The following SUMF1 variants were observed in gnomAD, a reference collection of about 807,000 sequenced individuals.
SUMF1 encodes formylglycine-generating enzyme.
Under a neutral mutation model 47.6 loss-of-function variants are expected in SUMF1, and 48 were observed. The observed-to-expected ratio is 1.01, with a 90% confidence interval of 0.80 to 1.28. The LOEUF is 1.28. SUMF1 is among the 50% of genes most tolerant of loss of function. The pLI, the probability that SUMF1 is intolerant of heterozygous loss-of-function variation, is 0.00. For synonymous variants in SUMF1, 230 were observed against 192.1 expected, an observed-to-expected ratio of 1.20 and a Z score of -1.63; for missense variants, 571 against 485.4, an observed-to-expected ratio of 1.18 and a Z score of -1.66.
intron 7 of SUMF1, among the ~76,000 whole-genome samples, chr3:4,376,803 A>C (rs572716853): frequency 3.7e-4 from 56 of 152,206 alleles, no homozygotes; most frequent in Non-Finnish European, 7.1e-4. Flanking sequence ...TTTGAAACAA[A>C]AATTTTTCTT....
intron 8 of SUMF1, among the ~76,000 whole-genome samples, chr3:4,103,200 G>C (rs1693076877): frequency 6.6e-6 from 1 of 151,186 alleles, no homozygotes; most frequent in Admixed American, 6.6e-5. Context: ...TGAGATTATA[G>C]GCATGAGCCA....
At chr3:4,112,797 T>C (rs1215908154) in intron 8 of SUMF1, among the ~76,000 whole-genome samples, 2 of 151,986 alleles carry the variant, frequency 1.3e-5, no homozygotes, top group African/African-American at 4.8e-5. Context: ...TCCAACAGAG[T>C]GAGAACAAGC....
chr3:4,128,421 G>A (rs1693708344), intron 8 of SUMF1, among the ~76,000 whole-genome samples: 1 of 152,146 alleles, frequency 6.6e-6, no homozygotes, highest in Non-Finnish European at 1.5e-5. Context: ...CCTATCCCCA[G>A]TAGTGGCAAC....
chr3:4,061,838 G>A (rs978378119), intron 9 of SUMF1, among the ~76,000 whole-genome samples: 1 of 152,108 alleles, frequency 6.6e-6, no homozygotes, highest in African/African-American at 2.4e-5. Context: ...AGGTTACAGT[G>A]CAGTGTGTAA....
chr3:4,131,546 C>A (rs954872650), intron 8 of SUMF1, among the ~76,000 whole-genome samples: 2 of 152,116 alleles, frequency 1.3e-5, no homozygotes, highest in Admixed American at 6.5e-5. Context: ...GAGCAGTGCA[C>A]CTGGTTGTGC....
chr3:4,356,635 G>A (rs1699625115), downstream of SUMF1, among the ~76,000 whole-genome samples: 1 of 151,434 alleles, frequency 6.6e-6, no homozygotes, highest in Admixed American at 6.6e-5. Flanking sequence ...GGCTGCAAAT[G>A]CAAACTGGCA....
At chr3:4,452,735 T>G in intron 2 of SUMF1, 141 bp downstream of exon 2, 5 of 1,063,640 alleles carry the variant, frequency 4.7e-6, no homozygotes, top group East Asian at 2.5e-5. Flanking sequence ...GAAATTAAGA[T>G]GAAATATATA....
chr3:4,387,795 T>C (rs1398418741), intron 7 of SUMF1, among the ~76,000 whole-genome samples: 3 of 152,104 alleles, frequency 2.0e-5, no homozygotes, highest in African/African-American at 7.2e-5. Context: ...TTCAGTGCAC[T>C]GTTTGATTCA....
At chr3:4,372,186 G>A (rs538596768) in intron 8 of SUMF1, among the ~76,000 whole-genome samples, 81 of 152,108 alleles carry the variant, frequency 5.3e-4, no homozygotes, top group African/African-American at 1.5e-3. Context: ...CTGTAATCCC[G>A]GCTACTCAGG....
chr3:4,096,481 G>T (rs1026191489), intron 8 of SUMF1, among the ~76,000 whole-genome samples: 8 of 152,076 alleles, frequency 5.3e-5, no homozygotes, highest in Admixed American at 3.9e-4. Context: ...GGCAGCTTTT[G>T]TAGGTCCCTG....
chr3:4,150,227 G>GTCTCAAAAAGTT (rs1559512875), intron 8 of SUMF1, among the ~76,000 whole-genome samples: 4 of 147,570 alleles, frequency 2.7e-5, no homozygotes, highest in African/African-American at 1.1e-4. Flanking sequence ...CCAAGTAGCT[G>GTCTCAAAAAGTT]GGACTGCAGG....
exon 9 of SUMF1, chr3:4,068,737 C>T (rs1695441313): frequency 2.5e-6 from 1 of 406,440 alleles, no homozygotes. Flanking sequence ...GATCATAGTA[C>T]TCTTGGGACT....
chr3:4,312,762 G>C, intron 8 of SUMF1: 6 of 924,250 alleles, frequency 6.5e-6, no homozygotes, highest in Non-Finnish European at 9.4e-6. Flanking sequence ...CAATATCTTA[G>C]TATGCTGTGT....
intron 3 of SUMF1, among the ~76,000 whole-genome samples, chr3:4,444,068 G>T (rs758691249): frequency 1.3e-5 from 2 of 151,944 alleles, no homozygotes; most frequent in Non-Finnish European, 1.5e-5. Flanking sequence ...AAAATCGTTG[G>T]GTATTCAGGC....
At chr3:4,253,004 T>C (rs186919852) in intron 8 of SUMF1, among the ~76,000 whole-genome samples, 1 of 152,230 alleles carries the variant, frequency 6.6e-6, no homozygotes, top group African/African-American at 2.4e-5. Context: ...CAATGCAGTT[T>C]ATCACCAATT....
At chr3:4,091,134 A>C (rs1446722163) in intron 8 of SUMF1, among the ~76,000 whole-genome samples, 2 of 152,076 alleles carry the variant, frequency 1.3e-5, no homozygotes, top group Admixed American at 6.5e-5. Flanking sequence ...TGGGTCTTTA[A>C]GTAGAAGTTT....
chr3:4,395,304 C>T (rs1701005272), intron 7 of SUMF1, among the ~76,000 whole-genome samples: 1 of 152,134 alleles, frequency 6.6e-6, no homozygotes, highest in Admixed American at 6.6e-5. Flanking sequence ...GTGAAAAATA[C>T]AGTCAAAATA....
At chr3:4,198,379 A>G (rs544189099) in intron 8 of SUMF1, among the ~76,000 whole-genome samples, 1 of 152,284 alleles carries the variant, frequency 6.6e-6, no homozygotes, top group East Asian at 1.9e-4. Context: ...TTGATTTACT[A>G]AAAGCTGCCT....
intron 8 of SUMF1, among the ~76,000 whole-genome samples, chr3:4,131,119 A>G (rs1002863446): frequency 6.6e-6 from 1 of 152,178 alleles, no homozygotes; most frequent in African/African-American, 2.4e-5. Context: ...ACTATGCGTC[A>G]TCAAGTCACC....
Sources: gnomAD v4.1 joint callset for allele counts (sites outside exome capture counted in the v4.1 genomes callset) on GRCh38, gnomAD v4.1.1 for gene constraint, MANE v1.5 for transcripts, NCBI Gene and HGNC (gene_info 2026-07-23, HGNC 2026-07-21) for gene names.